SUCNR1: variants seen among roughly 807,000 people sequenced by gnomAD.
SUCNR1 encodes the protein G-protein coupled receptor 91.
A neutral mutation model predicts 2.4 loss-of-function variants in SUCNR1; 5 were observed. That is an observed-to-expected ratio of 2.07 (90% CI 1.08 to 4.36). The LOEUF (loss-of-function observed/expected upper bound fraction) is 4.36. Ranked by LOEUF, SUCNR1 falls within the 30% of genes most tolerant of loss-of-function variation. The pLI, the probability that SUCNR1 is intolerant of heterozygous loss-of-function variation, is 0.00. For missense variants in SUCNR1, 373 were observed against 399.2 expected (o/e 0.93, Z 0.56); for synonymous variants, 162 against 143.9 (o/e 1.13, Z -0.90).
At position 151,882,315 on chromosome 3, in the gene SUCNR1, A is replaced by C. The variant is rs1718127214; in HGVS notation, c.*767A>C. On this transcript the variant is annotated 3_prime_UTR_variant, in exon 3 of 3. Coordinates refer to ENST00000362032, the MANE Select transcript of SUCNR1 (RefSeq NM_033050.6). The stretch of plus-strand genomic sequence containing the variant: ...CCTATCAGGAAACCCAAAGCAAAAC[A>C]GAACAAAAAGTGAATACATCGTTTT... The C allele has an allele frequency of 6.6e-6, 1 of 152,230 alleles. No homozygotes were observed. Among genetic ancestry groups the C allele is most frequent in the South Asian group, 2.1e-4 (1 of 4,838 alleles). 9.4% of individuals were successfully genotyped at this position (152,230 alleles called of 1,614,324 possible).
At position 151,882,929 on chromosome 3, in the gene SUCNR1, A is replaced by C. The variant is rs887122440; in HGVS notation, c.*1381A>C. The stretch of plus-strand genomic sequence containing the variant: ...TTCCTTGATGTCATTAGCTATAAGG[A>C]GTGAGTAATGTGAAGGACAAAATAA... On this transcript the variant is annotated 3_prime_UTR_variant, in exon 3 of 3. Coordinates refer to ENST00000362032, the MANE Select transcript of SUCNR1 (RefSeq NM_033050.6). The C allele has an allele frequency of 8.5e-5, 13 of 152,082 alleles. No individual in the cohort carries two copies. Among genetic ancestry groups the C allele is most frequent in the African/African-American group, 3.1e-4 (13 of 41,424 alleles). The allele number at this position is 152,082 out of a possible 1,614,324, so 9.4% of individuals were successfully genotyped here.
rs1391228709 is a variant in SUCNR1 at position 151,881,091 on chromosome 3, A to G, written c.548A>G (p.Tyr183Cys). The part of the protein sequence containing the change: ...NDFASSGDPN[Y>C]NLIYSMCLTL... The stretch of plus-strand genomic sequence containing the variant: ...TTTGCAAGTTCTGGAGACCCCAACT[A>G]CAACCTCATTTACAGCATGTGTCTA... Residue 183 changes from tyrosine (Y) to cysteine (C), a missense_variant, in exon 3 of 3, where the codon TAC becomes TGC. By Grantham distance (194) the Tyr-to-Cys change is radical. Around this residue, in one of 3 missense-constraint regions of SUCNR1, gnomAD observed 32 missense variants for 58.3 expected, o/e 0.55. Transcript: ENST00000362032. 1 of 1,614,006 alleles carries G rather than the reference A, an allele frequency of 6.2e-7. No individual in the cohort carries two copies. Among genetic ancestry groups the G allele is most frequent in the Non-Finnish European group, 8.5e-7 (1 of 1,180,018 alleles).
In SUCNR1 at chr3:151,882,533, G is replaced by A. The variant is rs542295800; in HGVS notation, c.*985G>A. The A allele has an allele frequency of 2.6e-5, 4 of 151,940 alleles. No homozygotes were observed. The highest frequency in any genetic ancestry group is 4.4e-5 in the Non-Finnish European group (3 of 67,944). The allele number at this position is 151,940 out of a possible 1,614,324, so 9.4% of individuals were successfully genotyped here. Reference sequence around the variant, plus strand: ...CATTGGGATAGTTTTCCCTTTTGGAGGGAAAGTCACAATTTTTCTCCATGA... The same window carrying A: ...CATTGGGATAGTTTTCCCTTTTGGAAGGAAAGTCACAATTTTTCTCCATGA... On this transcript the variant is annotated 3_prime_UTR_variant, in exon 3 of 3. Transcript: ENST00000362032.
Position 151,874,153 on chromosome 3 carries a change from T to A in SUCNR1, c.-42+447T>A, listed in dbSNP as rs1413496509. Among the ~76,000 whole-genome samples, 8 of 62,446 alleles carry A rather than the reference T, an allele frequency of 1.3e-4. No individual in the cohort carries two copies. In the South Asian group the frequency reaches 1.4e-3, roughly 11 times the overall value. The allele number at this position is 62,446 out of a possible 152,430, so 41.0% of individuals were successfully genotyped here. On this transcript the variant is annotated intron_variant, in intron 1 of 2. Coordinates refer to ENST00000362032, the MANE Select transcript of SUCNR1 (RefSeq NM_033050.6). ...ATATATATATATATATATATTTTTT[T>A]TTTTTTTTTTTTTTTTTAAGACAGA... is the stretch of plus-strand genomic sequence containing the variant.
chr3:151,878,728 G>C (rs538875325), intron 1 of SUCNR1, among the ~76,000 whole-genome samples: 2 of 152,024 alleles, frequency 1.3e-5, no homozygotes, highest in Non-Finnish European at 2.9e-5. Context: ...GAGAGACTCC[G>C]AAAAATGTAT....
In SUCNR1 at chr3:151,880,800, G is replaced by T. The variant is rs771644461; in HGVS notation, c.257G>T (p.Gly86Val). The T allele has an allele frequency of 1.2e-6, 2 of 1,614,024 alleles. No homozygotes were observed. Among genetic ancestry groups the T allele is most frequent in the Admixed American group, 1.7e-5 (1 of 59,998 alleles). Residue 86 changes from glycine to valine, a missense_variant, in exon 3 of 3, where the codon GGA becomes GTA. Physicochemically the swap from Gly to Val is moderately radical, Grantham distance 109. Coordinates refer to ENST00000362032, the MANE Select transcript of SUCNR1 (RefSeq NM_033050.6). ...LPMLIRSYAN[G>V]NWIYGDVLCI... The stretch of plus-strand genomic sequence containing the variant: ...ATGCTGATAAGGAGTTATGCCAATG[G>T]AAACTGGATATATGGAGACGTGCTC...
chr3:151,877,149 G>C (rs1717948464), intron 1 of SUCNR1, among the ~76,000 whole-genome samples: 1 of 151,990 alleles, frequency 6.6e-6, no homozygotes, highest in African/African-American at 2.4e-5. Context: ...TCAGATAGAG[G>C]GACTGCATGT....
In SUCNR1 at chr3:151,881,863, T is replaced by TAAA. The variant is rs369556138; in HGVS notation, c.*327_*329dup. The TAAA allele has an allele frequency of 5.8e-6, 1 of 172,194 alleles. No individual in the cohort carries two copies. The allele number at this position is 172,194 out of a possible 1,614,324, so 10.7% of individuals were successfully genotyped here. The stretch of plus-strand genomic sequence containing the variant: ...CTGCATTTGATCACTGGTCAGATTG[T>TAAA]AAAAAAAAAAAAAATTGTTTTGGCA... On this transcript the variant is annotated 3_prime_UTR_variant, in exon 3 of 3. Transcript: ENST00000362032.
intron 1 of SUCNR1, among the ~76,000 whole-genome samples, chr3:151,874,113 C>A (rs58368404): frequency 1.2e-5 from 1 of 86,560 alleles, no homozygotes; most frequent in African/African-American, 5.1e-5. Flanking sequence ...CACACACACA[C>A]ACATATACAT....
chr3:151,881,318 C>T lies in SUCNR1; in HGVS notation c.775C>T (p.Arg259Cys), dbSNP rs1394798147. The change falls in exon 3 of 3, where the codon CGC becomes TGC. Residue 259 changes from arginine to cysteine, a missense_variant. Arg to Cys is a radical substitution (Grantham distance 180). Around this residue, in one of 3 missense-constraint regions of SUCNR1, gnomAD observed 157 missense variants for 178.7 expected, o/e 0.88. Coordinates refer to ENST00000362032, the MANE Select transcript of SUCNR1 (RefSeq NM_033050.6). Reference protein sequence around the residue: ...HVMRNVRIASRLGSWKQYQCT... With the variant: ...HVMRNVRIASCLGSWKQYQCT... ...CATGCGGAATGTGAGGATCGCTTCA[C>T]GCCTGGGGAGTTGGAAGCAGTATCA... 8.1e-6 allele frequency: 13 copies of T among 1,614,180 alleles called. No homozygotes were observed. Among genetic ancestry groups the T allele is most frequent in the Admixed American group, 1.7e-5 (1 of 60,022 alleles).
At chr3:151,873,848 A>G (rs1717819919) in intron 1 of SUCNR1, 142 bp downstream of exon 1, 1 of 152,098 alleles carries the variant, frequency 6.6e-6, no homozygotes, top group African/African-American at 2.4e-5. Flanking sequence ...CAGCAAAATA[A>G]TTGAAAAAAA....
chr3:151,874,144 ATATTTTTTTTT>A (rs1364846190), intron 1 of SUCNR1, among the ~76,000 whole-genome samples: 39 of 62,890 alleles, frequency 6.2e-4, no homozygotes, highest in Admixed American at 1.5e-3. Flanking sequence ...ATATATATAT[ATATTTTTTTTT>A]TTTTTTTTTT....
rs1718177348 is a variant in SUCNR1, at chr3:151,883,938, T to C, written c.*2390T>C. 3 of 152,208 alleles carry C rather than the reference T, an allele frequency of 2.0e-5. No homozygotes were observed. The South Asian group carries it at 6.2e-4, about 31-fold the overall frequency. The allele number at this position is 152,208 out of a possible 1,614,324, so 9.4% of individuals were successfully genotyped here. ...CCTGTTGCCCATCTTTGTTCTATCATACCTGAATGGTATAATAATTCTAAA... is the reference window on the plus strand; with the variant it reads ...CCTGTTGCCCATCTTTGTTCTATCACACCTGAATGGTATAATAATTCTAAA... On this transcript the variant is annotated 3_prime_UTR_variant, in exon 3 of 3. Transcript: ENST00000362032.
chr3:151,879,107 C>T (rs922179873), intron 1 of SUCNR1, among the ~76,000 whole-genome samples: 1 of 152,160 alleles, frequency 6.6e-6, no homozygotes, highest in Non-Finnish European at 1.5e-5. Flanking sequence ...ATAAGTAACA[C>T]TTAATGTTTA....
intron 1 of SUCNR1, among the ~76,000 whole-genome samples, chr3:151,876,980 A>G (rs1717941651): frequency 6.6e-6 from 1 of 152,218 alleles, no homozygotes; most frequent in Admixed American, 6.6e-5. Context: ...AGTTTAGTAT[A>G]CAATGAAAGC....
At chr3:151,877,983 A>G (rs1256899884) in intron 1 of SUCNR1, among the ~76,000 whole-genome samples, 2 of 152,196 alleles carry the variant, frequency 1.3e-5, no homozygotes, top group Non-Finnish European at 2.9e-5. Flanking sequence ...GGGAGAAAGA[A>G]GGGAAACTAG....
rs1171918094 is a variant in SUCNR1, at chr3:151,874,125, C to CATAT, written c.-42+438_-42+441dup. Reference sequence around the variant, plus strand: ...ACACACACACACACACATATACATACATATATATATATATATATATATTTT... The same window carrying CATAT: ...ACACACACACACACACATATACATACATATATATATATATATATATATATATTTT... On this transcript the variant is annotated intron_variant, in intron 1 of 2. Transcript: ENST00000362032. 7.8e-3 allele frequency among the ~76,000 whole-genome samples: 672 copies of CATAT among 86,666 alleles called. 6 individuals carry two copies. The highest frequency in any genetic ancestry group is 0.029 in the South Asian group (63 of 2,206). The allele number at this position is 86,666 out of a possible 152,430, so 56.9% of individuals were successfully genotyped here.
At position 151,880,936 on chromosome 3, in the gene SUCNR1, C is replaced by A; in HGVS notation, c.393C>A (p.His131Gln). 6.2e-7 allele frequency: 1 copy of A among 1,614,024 alleles called. No individual in the cohort carries two copies. The highest frequency in any genetic ancestry group is 8.5e-7 in the Non-Finnish European group (1 of 1,179,996). Residue 131 changes from histidine (H) to glutamine (Q), a missense_variant, in exon 3 of 3, where the codon CAC becomes CAA. Physicochemically the swap from His to Gln is conservative, Grantham distance 24 (BLOSUM62 0). Transcript: ENST00000362032. Reference sequence around the variant, plus strand: ...TAATTAAGTATCCTTTCCGAGAACACCTTCTGCAAAAGAAAGAGTTTGCTA... The same window carrying A: ...TAATTAAGTATCCTTTCCGAGAACAACTTCTGCAAAAGAAAGAGTTTGCTA... Reference protein sequence around the residue: ...YLIIKYPFREHLLQKKEFAIL... With the variant: ...YLIIKYPFREQLLQKKEFAIL...
intron 2 of SUCNR1, 121 bp downstream of exon 2, chr3:151,880,028 A>G: frequency 3.5e-6 from 2 of 571,582 alleles, no homozygotes; most frequent in Non-Finnish European, 5.9e-6. Flanking sequence ...TAATGCCTTC[A>G]CATGTGCTCT....
Sources: allele counts gnomAD v4.1 joint callset (sites outside exome capture counted in the v4.1 genomes callset), GRCh38; gene constraint gnomAD v4.1.1; regional missense constraint gnomAD v4.1.1; transcripts MANE v1.5; gene names NCBI Gene and HGNC (gene_info 2026-07-23, HGNC 2026-07-21).